The following NXPE4 variants were observed in gnomAD, a reference collection of about 807,000 sequenced individuals.
The protein encoded by NXPE4 is NXPE family member 4.
NXPE4 carries 42 observed loss-of-function variants against 33.3 expected under a neutral mutation model. The ratio of observed to expected loss-of-function variants is 1.26; its 90% CI spans 0.98 to 1.63. NXPE4 has a LOEUF of 1.63. NXPE4 is among the 40% of genes most tolerant of loss of function. The pLI, the probability that NXPE4 is intolerant of heterozygous loss-of-function variation, is 0.00. For missense variants in NXPE4, 709 were observed against 647.6 expected (o/e 1.09, Z -1.03); for synonymous variants, 253 against 234.9 (o/e 1.08, Z -0.71).
the NXPE4 span, among the ~76,000 whole-genome samples, chr11:114,625,979 A>C: frequency 1.4e-5 from 2 of 142,950 alleles, no homozygotes; most frequent in Non-Finnish European, 1.5e-5. Context: ...GGCTTAAAAA[A>C]CGGCGCACCA....
chr11:114,636,410 C>A, the NXPE4 span, among the ~76,000 whole-genome samples: 1 of 152,008 alleles, frequency 6.6e-6, no homozygotes, highest in African/African-American at 2.4e-5. Flanking sequence ...TTTCAAAAAA[C>A]CAGCTCCTGG....
chr11:114,628,480 A>G, the NXPE4 span, among the ~76,000 whole-genome samples: 4 of 152,190 alleles, frequency 2.6e-5, no homozygotes, highest in African/African-American at 9.6e-5. Flanking sequence ...AATGAGAACA[A>G]AGACACAACG....
the NXPE4 span, among the ~76,000 whole-genome samples, chr11:114,611,579 A>G: frequency 6.6e-6 from 1 of 151,764 alleles, no homozygotes; most frequent in African/African-American, 2.4e-5. Context: ...CTGCTGGATA[A>G]TAAGTGTTGT....
chr11:114,617,309 A>T, the NXPE4 span, among the ~76,000 whole-genome samples: 12 of 151,926 alleles, frequency 7.9e-5, no homozygotes, highest in African/African-American at 2.7e-4. Context: ...CCAGATACTA[A>T]GTTTTGCCTC....
chr11:114,643,761 G>T, the NXPE4 span, among the ~76,000 whole-genome samples: 1 of 151,902 alleles, frequency 6.6e-6, no homozygotes, highest in East Asian at 1.9e-4. Flanking sequence ...GGTACCATAT[G>T]AAACTTAAAG....
At chr11:114,665,393 T>C in the NXPE4 span, among the ~76,000 whole-genome samples, 1 of 152,186 alleles carries the variant, frequency 6.6e-6, no homozygotes, top group Admixed American at 6.6e-5. Context: ...TTTAAAATTC[T>C]GTGAACATAG....
chr11:114,572,977 C>G, intron 5 of NXPE4, among the ~76,000 whole-genome samples: 1 of 152,092 alleles, frequency 6.6e-6, no homozygotes, highest in Admixed American at 6.5e-5. Flanking sequence ...TATCAGGTAA[C>G]CTATAAAAGA....
chr11:114,635,770 T>C, the NXPE4 span, among the ~76,000 whole-genome samples: 1 of 152,126 alleles, frequency 6.6e-6, no homozygotes, highest in South Asian at 2.1e-4. Context: ...ATTACATTTA[T>C]TGATTTGCAT....
the NXPE4 span, among the ~76,000 whole-genome samples, chr11:114,613,084 T>C: frequency 2.0e-5 from 3 of 151,816 alleles, 1 homozygote; most frequent in Admixed American, 1.3e-4. Flanking sequence ...ACCCGGTGGA[T>C]AATAAGCATT....
the NXPE4 span, among the ~76,000 whole-genome samples, chr11:114,604,428 C>T: frequency 6.6e-6 from 1 of 152,006 alleles, no homozygotes; most frequent in African/African-American, 2.4e-5. Context: ...TCGTGGGTAA[C>T]CATTGTTACC....
chr11:114,658,111 A>G, the NXPE4 span, among the ~76,000 whole-genome samples: 810 of 152,322 alleles, frequency 5.3e-3, 3 homozygotes, highest in African/African-American at 0.017. Flanking sequence ...CCCGTCATAA[A>G]AAAGAAAAAT....
intron 2 of NXPE4, among the ~76,000 whole-genome samples, chr11:114,588,435 T>C (rs1352244246): frequency 6.6e-6 from 1 of 152,174 alleles, no homozygotes; most frequent in East Asian, 1.9e-4. Context: ...GGAGGGATGT[T>C]ATGCTGCTCC....
At chr11:114,601,798 G>GTA in the NXPE4 span, among the ~76,000 whole-genome samples, 1 of 56,084 alleles carries the variant, frequency 1.8e-5, no homozygotes, top group African/African-American at 9.6e-5. Flanking sequence ...TGTGATATAT[G>GTA]ATTATATATT....
chr11:114,672,811 C>T, the NXPE4 span, among the ~76,000 whole-genome samples: 16 of 151,204 alleles, frequency 1.1e-4, no homozygotes, highest in Admixed American at 2.6e-4. Flanking sequence ...CATATATAAA[C>T]GAAAACCTAC....
At chr11:114,677,971 T>A in the NXPE4 span, among the ~76,000 whole-genome samples, 3 of 152,080 alleles carry the variant, frequency 2.0e-5, no homozygotes, top group African/African-American at 7.2e-5. Context: ...TGTTACATAT[T>A]CAAGTTGCAG....
the NXPE4 span, among the ~76,000 whole-genome samples, chr11:114,644,647 T>C: frequency 1.3e-5 from 2 of 152,128 alleles, no homozygotes; most frequent in African/African-American, 4.8e-5. Context: ...AATGGAATAT[T>C]ATGTCATGTT....
chr11:114,577,423 TAA>T (rs1485645566), intron 5 of NXPE4, among the ~76,000 whole-genome samples: 3 of 151,972 alleles, frequency 2.0e-5, no homozygotes, highest in Non-Finnish European at 4.4e-5. Context: ...TGGCGAGGGA[TAA>T]AAGACTATAC....
the NXPE4 span, among the ~76,000 whole-genome samples, chr11:114,623,106 G>T: frequency 6.6e-6 from 1 of 152,146 alleles, no homozygotes; most frequent in South Asian, 2.1e-4. Flanking sequence ...TTGCCTGGCG[G>T]ATAAGCACTG....
chr11:114,668,983 C>G, the NXPE4 span, among the ~76,000 whole-genome samples: 6 of 152,232 alleles, frequency 3.9e-5, no homozygotes, highest in Admixed American at 3.9e-4. Flanking sequence ...TCCCATTCCA[C>G]TCCCAGCTCT....
Sources: allele counts gnomAD v4.1 joint callset (sites outside exome capture counted in the v4.1 genomes callset), GRCh38; gene constraint gnomAD v4.1.1; transcripts MANE v1.5; gene names NCBI Gene and HGNC (gene_info 2026-07-23, HGNC 2026-07-21).